Variants in PCDH11Y observed in about 807,000 individuals in gnomAD.
PCDH11Y encodes protocadherin-11 Y-linked.
For missense variants in PCDH11Y, 12 were observed against 224.8 expected (o/e 0.05, Z 6.05); for synonymous variants, 9 against 83.6 (o/e 0.11, Z 4.87).
At chrY:5,364,040 G>A in intron 2 of PCDH11Y, among the ~76,000 whole-genome samples, 2 of 29,197 alleles carry the variant, frequency 6.9e-5, no homozygotes, top group South Asian at 8.4e-4. Context: ...ATGGGGTTTC[G>A]CCATGTTGAC....
chrY:5,385,778 TTA>T, intron 2 of PCDH11Y, among the ~76,000 whole-genome samples: 1 of 33,889 alleles, frequency 3.0e-5, no homozygotes, highest in Admixed American at 2.7e-4. Context: ...GATCAGTTTC[TTA>T]TATGTTTCTT....
intron 2 of PCDH11Y, among the ~76,000 whole-genome samples, chrY:5,254,607 C>T: frequency 3.0e-5 from 1 of 33,150 alleles, no homozygotes; most frequent in South Asian, 6.8e-4. Context: ...ACTACAACCT[C>T]CACCTCCCAG....
intron 1 of PCDH11Y, among the ~76,000 whole-genome samples, chrY:5,029,151 G>A: frequency 3.0e-5 from 1 of 33,194 alleles, no homozygotes; most frequent in African/African-American, 1.2e-4. Flanking sequence ...GTCATGAAGT[G>A]CATCTGACTG....
chrY:5,001,379 TC>T (rs2052530155), intron 1 of PCDH11Y, among the ~76,000 whole-genome samples: 1 of 34,449 alleles, frequency 2.9e-5, no homozygotes, highest in Non-Finnish European at 7.3e-5. Context: ...AAATGACTTT[TC>T]TAAGAGTATT....
intron 4 of PCDH11Y, among the ~76,000 whole-genome samples, chrY:5,598,474 CA>C (rs2053469677): frequency 9.2e-5 from 3 of 32,644 alleles, no homozygotes; most frequent in Non-Finnish European, 2.3e-4. Context: ...AGCACATTTA[CA>C]ATGAAGAATA....
intron 2 of PCDH11Y, among the ~76,000 whole-genome samples, chrY:5,453,675 G>A (rs2053295228): frequency 3.0e-5 from 1 of 33,208 alleles, no homozygotes; most frequent in African/African-American, 1.2e-4. Context: ...TACCATCATG[G>A]TGGAAGGCCT....
chrY:5,153,169 A>T, intron 2 of PCDH11Y, among the ~76,000 whole-genome samples: 2 of 33,378 alleles, frequency 6.0e-5, no homozygotes, highest in East Asian at 1.6e-3. Flanking sequence ...AATAAAATTA[A>T]CTTCGTGGCA....
At chrY:5,023,674 A>T in intron 1 of PCDH11Y, among the ~76,000 whole-genome samples, 1 of 33,299 alleles carries the variant, frequency 3.0e-5, no homozygotes, top group Non-Finnish European at 7.5e-5. Context: ...CTAGAAAAGG[A>T]TTCTCTCTCA....
intron 4 of PCDH11Y, among the ~76,000 whole-genome samples, chrY:5,705,468 T>C (rs2053582267): frequency 3.1e-5 from 1 of 32,382 alleles, no homozygotes; most frequent in East Asian, 8.0e-4. Context: ...AGTAAGACTA[T>C]GGAAACTTGA....
intron 2 of PCDH11Y, among the ~76,000 whole-genome samples, chrY:5,392,812 T>A: frequency 2.9e-5 from 1 of 33,904 alleles, no homozygotes; most frequent in Non-Finnish European, 7.3e-5. Flanking sequence ...TCTATTTTGT[T>A]ATTTTGTAGC....
intron 2 of PCDH11Y, among the ~76,000 whole-genome samples, chrY:5,237,130 C>T: frequency 2.7e-4 from 9 of 33,298 alleles, no homozygotes; most frequent in South Asian, 1.9e-3. Context: ...GATCTAAGTA[C>T]AATCAGTGTT....
chrY:5,728,060 A>G, intron 4 of PCDH11Y, among the ~76,000 whole-genome samples: 1 of 33,166 alleles, frequency 3.0e-5, no homozygotes. Flanking sequence ...TCATTTAACA[A>G]AATTCATCTG....
At chrY:5,567,219 G>A in intron 3 of PCDH11Y, among the ~76,000 whole-genome samples, 5 of 32,089 alleles carry the variant, frequency 1.6e-4, no homozygotes, top group Non-Finnish European at 3.8e-4. Flanking sequence ...TTGAAATAGC[G>A]TTTAAAATAC....
intron 2 of PCDH11Y, among the ~76,000 whole-genome samples, chrY:5,262,241 T>C (rs1489803030): frequency 0.069 from 2,229 of 32,473 alleles, no homozygotes; most frequent in Non-Finnish European, 0.11. Context: ...TCCTATTTGT[T>C]CACAGCCTCC....
intron 1 of PCDH11Y, among the ~76,000 whole-genome samples, chrY:5,008,821 T>C: frequency 3.2e-5 from 1 of 30,943 alleles, no homozygotes; most frequent in Non-Finnish European, 7.8e-5. Context: ...TTTGAAAAGC[T>C]TATATTCTAA....
intron 4 of PCDH11Y, among the ~76,000 whole-genome samples, chrY:5,658,179 G>T: frequency 2.9e-5 from 1 of 34,714 alleles, no homozygotes; most frequent in African/African-American, 1.1e-4. Flanking sequence ...GACAGGTCTC[G>T]TGTTTATGGA....
intron 2 of PCDH11Y, among the ~76,000 whole-genome samples, chrY:5,186,534 G>A: frequency 6.2e-5 from 2 of 32,277 alleles, no homozygotes; most frequent in African/African-American, 2.5e-4. Flanking sequence ...GCAAGGAGAA[G>A]TGCCTGTGAA....
At chrY:5,108,610 G>C, downstream of PCDH11Y, among the ~76,000 whole-genome samples, 1 of 30,446 alleles carries the variant, frequency 3.3e-5, no homozygotes, top group Non-Finnish European at 7.9e-5. Context: ...AGCCGGGCGT[G>C]GTGGCGGGCG....
At chrY:5,594,464 A>C (rs1602948076) in intron 4 of PCDH11Y, among the ~76,000 whole-genome samples, 5 of 30,506 alleles carry the variant, frequency 1.6e-4, no homozygotes, top group Admixed American at 3.0e-4. Flanking sequence ...ACACACACAC[A>C]CCCCACACAC....
Sources: gnomAD v4.1 joint callset for allele counts (sites outside exome capture counted in the v4.1 genomes callset) on GRCh38, gnomAD v4.1.1 for gene constraint, MANE v1.5 for transcripts, NCBI Gene and HGNC (gene_info 2026-07-23, HGNC 2026-07-21) for gene names.